The following IGF1R variants were observed in gnomAD, a reference collection of about 807,000 sequenced individuals.
The protein encoded by IGF1R is insulin-like growth factor 1 receptor.
In IGF1R, 44 loss-of-function variants were observed where a neutral mutation model predicts 144.6. The ratio of observed to expected loss-of-function variants is 0.30; its 90% CI spans 0.24 to 0.39. The LOEUF (loss-of-function observed/expected upper bound fraction) is 0.39, where lower values mean the gene tolerates loss of function less well. IGF1R is among the 10% of genes least tolerant of loss of function. The pLI, the probability that IGF1R is intolerant of heterozygous loss-of-function variation, is 1.00. For missense variants in IGF1R, 1,355 were observed against 1,833.7 expected (o/e 0.74, Z 4.77); for synonymous variants, 795 against 722.8 (o/e 1.10, Z -1.60).
intron 2 of IGF1R, among the ~76,000 whole-genome samples, chr15:98,799,646 A>T (rs2056319788): frequency 6.6e-6 from 1 of 151,898 alleles, no homozygotes; most frequent in Admixed American, 6.6e-5. Flanking sequence ...GGCATGGGGG[A>T]CCGAGTGTGG....
intron 18 of IGF1R, among the ~76,000 whole-genome samples, chr15:98,940,809 A>G (rs182380706): frequency 6.6e-6 from 1 of 152,330 alleles, no homozygotes; most frequent in African/African-American, 2.4e-5. Flanking sequence ...CTCCGTCATC[A>G]GAGTTCCTCA....
At chr15:98,912,965 A>G (rs2015087018) in intron 7 of IGF1R, 79 bp from the exon 8 acceptor site, 1 of 890,646 alleles carries the variant, frequency 1.1e-6, no homozygotes, top group Non-Finnish European at 1.9e-6. Context: ...AAAGTGTGAC[A>G]TGCTGGGCCT....
intron 2 of IGF1R, among the ~76,000 whole-genome samples, chr15:98,748,761 A>G (rs759572849): frequency 1.1e-4 from 17 of 152,212 alleles, no homozygotes; most frequent in Admixed American, 1.3e-4. Flanking sequence ...TTGGCAATGG[A>G]TATATGTAAG....
At chr15:98,874,780 AC>A (rs778599487) in intron 2 of IGF1R, among the ~76,000 whole-genome samples, 7 of 152,236 alleles carry the variant, frequency 4.6e-5, no homozygotes, top group Non-Finnish European at 1.0e-4. Context: ...GTGAAGCAGA[AC>A]AAACTGATAC....
At chr15:98,925,311 G>GT (rs2015669909) in intron 13 of IGF1R, among the ~76,000 whole-genome samples, 1 of 152,236 alleles carries the variant, frequency 6.6e-6, no homozygotes, top group African/African-American at 2.4e-5. Context: ...GCTGTTCTGT[G>GT]TGATGACTTC....
chr15:98,744,293 G>T (rs1424501431), intron 2 of IGF1R, among the ~76,000 whole-genome samples: 1 of 151,924 alleles, frequency 6.6e-6, no homozygotes, highest in Non-Finnish European at 1.5e-5. Context: ...AGAGAGGAGG[G>T]TTTTAAGGAG....
At chr15:98,712,041 G>T (rs2054005364) in intron 2 of IGF1R, among the ~76,000 whole-genome samples, 1 of 152,124 alleles carries the variant, frequency 6.6e-6, no homozygotes, top group Non-Finnish European at 1.5e-5. Context: ...TCACCTCCCA[G>T]AGCCATCATA....
At chr15:98,933,174 G>A (rs1434630032) in intron 15 of IGF1R, among the ~76,000 whole-genome samples, 1 of 152,202 alleles carries the variant, frequency 6.6e-6, no homozygotes, top group African/African-American at 2.4e-5. Flanking sequence ...AGGAATTACT[G>A]ACATTTCATA....
chr15:98,758,095 T>G (rs1313849963), intron 2 of IGF1R, among the ~76,000 whole-genome samples: 1 of 152,240 alleles, frequency 6.6e-6, no homozygotes, highest in Non-Finnish European at 1.5e-5. Context: ...TCATGGATTC[T>G]AGTAGATTCT....
At chr15:98,680,127 A>G (rs1418439893) in intron 1 of IGF1R, among the ~76,000 whole-genome samples, 3 of 152,172 alleles carry the variant, frequency 2.0e-5, no homozygotes, top group Non-Finnish European at 2.9e-5. Flanking sequence ...AGGCCTAGGT[A>G]TACAGTATTT....
intron 6 of IGF1R, among the ~76,000 whole-genome samples, chr15:98,909,766 G>A (rs949319411): frequency 6.6e-6 from 1 of 152,182 alleles, no homozygotes; most frequent in Non-Finnish European, 1.5e-5. Context: ...CTGCAGCCCT[G>A]AGTTGATATT....
intron 18 of IGF1R, among the ~76,000 whole-genome samples, chr15:98,942,406 T>C (rs1402486994): frequency 1.3e-5 from 2 of 152,172 alleles, no homozygotes; most frequent in Non-Finnish European, 2.9e-5. Flanking sequence ...TGATCATGGC[T>C]CACTGCAGCC....
chr15:98,845,280 T>G (rs2011266041), intron 2 of IGF1R, among the ~76,000 whole-genome samples: 1 of 152,218 alleles, frequency 6.6e-6, no homozygotes, highest in Non-Finnish European at 1.5e-5. Context: ...AGATAGGGCA[T>G]GATAACCTTT....
intron 2 of IGF1R, among the ~76,000 whole-genome samples, chr15:98,749,507 T>C (rs1004114201): frequency 2.6e-5 from 4 of 152,222 alleles, no homozygotes; most frequent in Non-Finnish European, 5.9e-5. Flanking sequence ...TAAGCACTTA[T>C]TGTCCAGTTT....
intron 2 of IGF1R, among the ~76,000 whole-genome samples, chr15:98,808,421 A>G (rs1221695246): frequency 1.3e-5 from 2 of 152,202 alleles, no homozygotes; most frequent in Non-Finnish European, 2.9e-5. Context: ...GTGATTTTGC[A>G]TTGAACTGTG....
intron 2 of IGF1R, among the ~76,000 whole-genome samples, chr15:98,819,502 A>C (rs1280442460): frequency 6.6e-6 from 1 of 152,122 alleles, no homozygotes; most frequent in East Asian, 1.9e-4. Context: ...GTGAACCAGA[A>C]AGTGGAGCCC....
intron 2 of IGF1R, among the ~76,000 whole-genome samples, chr15:98,839,122 T>C (rs2011133160): frequency 6.6e-6 from 1 of 152,250 alleles, no homozygotes; most frequent in African/African-American, 2.4e-5. Flanking sequence ...AGATGACAGC[T>C]GGAGCTGACA....
intron 18 of IGF1R, among the ~76,000 whole-genome samples, 193 bp from the exon 19 acceptor site, chr15:98,942,730 C>A (rs1278991758): frequency 6.6e-6 from 1 of 152,208 alleles, no homozygotes; most frequent in Non-Finnish European, 1.5e-5. Context: ...GGTATTTGCT[C>A]ATCATGTGAT....
intron 2 of IGF1R, among the ~76,000 whole-genome samples, chr15:98,816,514 C>G (rs2056699262): frequency 6.6e-6 from 1 of 152,192 alleles, no homozygotes; most frequent in African/African-American, 2.4e-5. Context: ...GTAGGACTTG[C>G]CTGTGTTTTC....
Sources: allele counts gnomAD v4.1 joint callset (sites outside exome capture counted in the v4.1 genomes callset), GRCh38; gene constraint gnomAD v4.1.1; transcripts MANE v1.5; gene names NCBI Gene and HGNC (gene_info 2026-07-23, HGNC 2026-07-21).